The following TCF7L2 variants were observed in gnomAD, a reference collection of about 807,000 sequenced individuals.
TCF7L2 encodes the protein transcription factor 7-like 2.
TCF7L2 carries 23 observed loss-of-function variants against 77.9 expected under a neutral mutation model. That is an observed-to-expected ratio of 0.30 (90% confidence interval 0.21 to 0.42). TCF7L2 has a LOEUF of 0.42. TCF7L2 is among the 10% of genes least tolerant of loss of function. The probability of loss-of-function intolerance (pLI) is 1.00; values close to 1 mark genes in which losing one functional copy is unlikely to be tolerated. For missense variants in TCF7L2, 654 were observed against 793.1 expected (o/e 0.82, Z 2.11); for synonymous variants, 413 against 340.2 (o/e 1.21, Z -2.36).
intron 5 of TCF7L2, among the ~76,000 whole-genome samples, chr10:113,058,538 T>A (rs2055809401): frequency 6.6e-6 from 1 of 152,122 alleles, no homozygotes. Flanking sequence ...TCCGGGCAGC[T>A]CATAGCCCCA....
intron 5 of TCF7L2, among the ~76,000 whole-genome samples, chr10:113,119,461 A>G (rs1335617431): frequency 6.6e-6 from 1 of 152,202 alleles, no homozygotes; most frequent in Non-Finnish European, 1.5e-5. Flanking sequence ...AAGATATACT[A>G]ATATCGGTCA....
intron 5 of TCF7L2, among the ~76,000 whole-genome samples, chr10:113,096,971 C>T (rs1334169284): frequency 2.0e-5 from 3 of 152,158 alleles, no homozygotes; most frequent in East Asian, 1.9e-4. Flanking sequence ...CCTACCCCAC[C>T]GGTCACTGGG....
At chr10:113,082,819 A>G (rs1591468106) in intron 5 of TCF7L2, among the ~76,000 whole-genome samples, 1 of 151,876 alleles carries the variant, frequency 6.6e-6, no homozygotes, top group Non-Finnish European at 1.5e-5. Flanking sequence ...GGTGGACACA[A>G]CCCTTAGAAG....
chr10:113,004,427 G>A lies in TCF7L2; in HGVS notation c.451-35598G>A, dbSNP rs531546055. On this transcript the variant is annotated intron_variant, in intron 4 of 13. Transcript: ENST00000627217. ...CCTTCCCCTGGAGAATGTGCAGCAC[G>A]TGGACAGTGGAACTTTAAGGTCCTT... Among the ~76,000 whole-genome samples, 46 of 152,314 alleles carry A rather than the reference G, an allele frequency of 3.0e-4. 2 individuals carry two copies. The South Asian group carries it at 8.3e-3, about 27-fold the overall frequency.
At chr10:113,044,255 T>C (rs529607336) in intron 5 of TCF7L2, among the ~76,000 whole-genome samples, 4 of 152,218 alleles carry the variant, frequency 2.6e-5, no homozygotes, top group African/African-American at 4.8e-5. Flanking sequence ...TACGAAATAA[T>C]GCACGATGGG....
intron 4 of TCF7L2, among the ~76,000 whole-genome samples, chr10:112,999,504 G>A (rs567482517): frequency 6.6e-6 from 1 of 152,314 alleles, no homozygotes; most frequent in East Asian, 1.9e-4. Context: ...ATCTCAATTT[G>A]CTTTCTGGGA....
rs770907713 is a variant in TCF7L2 at position 113,158,652 on chromosome 10, G to T, written c.1318+583G>T. 1.9e-6 allele frequency: 3 copies of T among 1,613,208 alleles called. No individual in the cohort carries two copies. Among genetic ancestry groups the T allele is most frequent in the African/African-American group, 1.3e-5 (1 of 75,034 alleles). On this transcript the variant is annotated intron_variant, in intron 12 of 13. Coordinates refer to ENST00000627217, the MANE Select transcript of TCF7L2 (RefSeq NM_001146274.2). ...AAATTTTGAAGGCTTTGTATAATTTGTTCTTTTTTTTCAGAACACAGCGAA... is the reference window on the plus strand; with the variant it reads ...AAATTTTGAAGGCTTTGTATAATTTTTTCTTTTTTTTCAGAACACAGCGAA...
chr10:113,015,219 C>T (rs1245442948), intron 4 of TCF7L2, among the ~76,000 whole-genome samples: 1 of 152,196 alleles, frequency 6.6e-6, no homozygotes, highest in Non-Finnish European at 1.5e-5. Context: ...TTTGCCTGTC[C>T]AGGCCACATC....
At chr10:112,989,835 A>C (rs1015532857) in intron 4 of TCF7L2, among the ~76,000 whole-genome samples, 1 of 152,150 alleles carries the variant, frequency 6.6e-6, no homozygotes, top group African/African-American at 2.4e-5. Flanking sequence ...GTTCTGGCTC[A>C]CCTAGTACTA....
intron 5 of TCF7L2, among the ~76,000 whole-genome samples, chr10:113,056,172 T>G (rs1294328500): frequency 6.6e-6 from 1 of 152,208 alleles, no homozygotes; most frequent in Non-Finnish European, 1.5e-5. Flanking sequence ...TGAAGCAATT[T>G]TATCCCCATT....
intron 3 of TCF7L2, among the ~76,000 whole-genome samples, chr10:112,953,119 A>G (rs2058478547): frequency 6.6e-6 from 1 of 152,172 alleles, no homozygotes; most frequent in African/African-American, 2.4e-5. Flanking sequence ...GGAGTCGATC[A>G]GATCTACAAG....
intron 5 of TCF7L2, among the ~76,000 whole-genome samples, chr10:113,139,768 G>T (rs181633280): frequency 5.5e-4 from 82 of 148,456 alleles, no homozygotes; most frequent in Middle Eastern, 3.5e-3. Context: ...ATTACCTGTG[G>T]TAAGAAATGC....
At chr10:113,148,555 G>T (rs1198973577) in intron 8 of TCF7L2, among the ~76,000 whole-genome samples, 1 of 152,188 alleles carries the variant, frequency 6.6e-6, no homozygotes, top group African/African-American at 2.4e-5. Context: ...CAACAGTGAA[G>T]TAAAGTGAGA....
intron 4 of TCF7L2, among the ~76,000 whole-genome samples, chr10:113,018,541 A>G (rs1379624019): frequency 7.0e-6 from 1 of 143,288 alleles, no homozygotes; most frequent in Non-Finnish European, 1.5e-5. Flanking sequence ...GCTGCCTCCC[A>G]GGTTCAAGCA....
chr10:113,058,711 C>T lies in TCF7L2; in HGVS notation c.552+18585C>T, dbSNP rs141246103. Among the ~76,000 whole-genome samples, 770 of 150,666 alleles carry T rather than the reference C, an allele frequency of 5.1e-3. 2 individuals are homozygous for T. Among genetic ancestry groups the T allele is most frequent in the Non-Finnish European group, 9.1e-3 (618 of 67,694 alleles). On this transcript the variant is annotated intron_variant, in intron 5 of 13. Transcript: ENST00000627217. ...GTCGTGAGCTGTGTGTGTGTGTGTG[C>T]GTGTGTGTGCGCTGTACGTTAATAT... is the stretch of plus-strand genomic sequence containing the variant.
At chr10:113,005,328 A>T (rs1292792022) in intron 4 of TCF7L2, among the ~76,000 whole-genome samples, 1 of 152,160 alleles carries the variant, frequency 6.6e-6, no homozygotes, top group Non-Finnish European at 1.5e-5. Context: ...GATGGGTTAG[A>T]GGTGGGTCCT....
At chr10:113,068,479 G>A (rs1285053799) in intron 5 of TCF7L2, among the ~76,000 whole-genome samples, 9 of 152,192 alleles carry the variant, frequency 5.9e-5, no homozygotes, top group Non-Finnish European at 1.2e-4. Context: ...CTGGGTTCTT[G>A]TAAGTCATGT....
chr10:113,062,869 T>C (rs898863846), intron 5 of TCF7L2, among the ~76,000 whole-genome samples: 1 of 152,146 alleles, frequency 6.6e-6, no homozygotes, highest in African/African-American at 2.4e-5. Flanking sequence ...AAAGACTGAA[T>C]AATACATTGG....
chr10:113,135,509 C>G, intron 5 of TCF7L2, among the ~76,000 whole-genome samples: 1 of 152,212 alleles, frequency 6.6e-6, no homozygotes, highest in East Asian at 1.9e-4. Context: ...GATTTAAAGT[C>G]AGATGAGGAT....
Sources: allele counts gnomAD v4.1 joint callset (sites outside exome capture counted in the v4.1 genomes callset), GRCh38; gene constraint gnomAD v4.1.1; transcripts MANE v1.5; gene names NCBI Gene and HGNC (gene_info 2026-07-23, HGNC 2026-07-21).